SGCZ: variants seen among roughly 807,000 people sequenced by gnomAD.
SGCZ encodes the protein sarcoglycan zeta.
In SGCZ, 40 loss-of-function variants were observed where a neutral mutation model predicts 41.3. That is an observed-to-expected ratio of 0.97 (90% CI 0.75 to 1.26). The LOEUF (loss-of-function observed/expected upper bound fraction) is 1.26, where lower values mean the gene tolerates loss of function less well. SGCZ is among the 50% of genes most tolerant of loss of function. SGCZ has a pLI of 0.00. For missense variants in SGCZ, 552 were observed against 369.8 expected (o/e 1.49, Z -4.04); for synonymous variants, 206 against 137.5 (o/e 1.50, Z -3.49).
chr8:15,185,550 A>G (rs1191704156), intron 1 of SGCZ, among the ~76,000 whole-genome samples: 1 of 152,152 alleles, frequency 6.6e-6, no homozygotes, highest in African/African-American at 2.4e-5. Flanking sequence ...CGATATCTTT[A>G]TATCTGTCTA....
At chr8:14,406,294 C>T (rs993678528) in intron 2 of SGCZ, among the ~76,000 whole-genome samples, 2 of 152,074 alleles carry the variant, frequency 1.3e-5, no homozygotes, top group Non-Finnish European at 2.9e-5. Context: ...AATTGAATCC[C>T]CATCATGCCC....
At chr8:14,278,217 GT>G (rs1429051571) in intron 3 of SGCZ, among the ~76,000 whole-genome samples, 1 of 152,014 alleles carries the variant, frequency 6.6e-6, no homozygotes, top group Non-Finnish European at 1.5e-5. Context: ...CCCCTCCTCC[GT>G]AAGGTATTTA....
chr8:14,154,949 A>G (rs1803831679), intron 5 of SGCZ, among the ~76,000 whole-genome samples: 1 of 152,190 alleles, frequency 6.6e-6, no homozygotes, highest in African/African-American at 2.4e-5. Context: ...GCTGTCGCCC[A>G]GTGGAGCAGG....
chr8:14,457,128 T>A (rs1230095264), intron 2 of SGCZ, among the ~76,000 whole-genome samples: 1 of 152,222 alleles, frequency 6.6e-6, no homozygotes, highest in Non-Finnish European at 1.5e-5. Context: ...TGATTATATA[T>A]GAATATCATT....
chr8:15,151,940 A>T (rs1488652355), intron 1 of SGCZ, among the ~76,000 whole-genome samples: 3 of 152,238 alleles, frequency 2.0e-5, no homozygotes, highest in African/African-American at 7.2e-5. Flanking sequence ...TAAGGGGAAA[A>T]AAAGATTTGA....
chr8:14,568,433 A>AG (rs1199103895), intron 1 of SGCZ, among the ~76,000 whole-genome samples: 16 of 130,018 alleles, frequency 1.2e-4, no homozygotes, highest in Admixed American at 8.9e-4. Context: ...AAAAAAAAAA[A>AG]TACATTATCA....
chr8:15,006,281 C>T (rs1802604966), intron 1 of SGCZ, among the ~76,000 whole-genome samples: 1 of 152,180 alleles, frequency 6.6e-6, no homozygotes, highest in African/African-American at 2.4e-5. Flanking sequence ...TCTATAAAAG[C>T]TTCCAGTTAT....
chr8:14,129,126 C>CT (rs1802955233), intron 5 of SGCZ, among the ~76,000 whole-genome samples: 2 of 151,906 alleles, frequency 1.3e-5, no homozygotes, highest in African/African-American at 2.4e-5. Context: ...GTGGGTGGAT[C>CT]ACCTGAGGTC....
intron 1 of SGCZ, among the ~76,000 whole-genome samples, chr8:15,057,130 G>C (rs1443382870): frequency 2.0e-5 from 3 of 152,202 alleles, no homozygotes; most frequent in African/African-American, 4.8e-5. Context: ...ATCAGCACTA[G>C]GCTGGAGCAC....
rs185014489 is a variant in SGCZ at position 14,517,048 on chromosome 8, C to T, written c.234+37684G>A. Among the ~76,000 whole-genome samples, 339 of 151,848 alleles carry T rather than the reference C, an allele frequency of 2.2e-3. 2 individuals are homozygous for T. Among genetic ancestry groups the T allele is most frequent in the Non-Finnish European group, 4.1e-3 (275 of 67,822 alleles). On this transcript the variant is annotated intron_variant, in intron 2 of 7. Transcript: ENST00000382080. Reference sequence around the variant, plus strand: ...GTGCACAGTGATTCTCCCCCTATGACTCGTAAATTTTCAATAAGTCTTCGT... The same window carrying T: ...GTGCACAGTGATTCTCCCCCTATGATTCGTAAATTTTCAATAAGTCTTCGT...
chr8:14,932,264 A>G (rs1799942218), intron 1 of SGCZ, among the ~76,000 whole-genome samples: 1 of 152,012 alleles, frequency 6.6e-6, no homozygotes, highest in Non-Finnish European at 1.5e-5. Flanking sequence ...TCAAAATATT[A>G]TAACATAAAA....
intron 2 of SGCZ, among the ~76,000 whole-genome samples, chr8:14,327,675 C>T (rs745492763): frequency 6.6e-6 from 1 of 152,166 alleles, no homozygotes; most frequent in Non-Finnish European, 1.5e-5. Flanking sequence ...TCTTGAGCTT[C>T]GTGTGTTTTC....
chr8:14,509,295 A>G (rs1027625872), intron 2 of SGCZ, among the ~76,000 whole-genome samples: 1 of 152,188 alleles, frequency 6.6e-6, no homozygotes, highest in African/African-American at 2.4e-5. Context: ...AAACTTTGCT[A>G]TTTGTTCAGC....
chr8:14,386,630 T>C (rs889329372), intron 2 of SGCZ, among the ~76,000 whole-genome samples: 1 of 152,218 alleles, frequency 6.6e-6, no homozygotes, highest in Non-Finnish European at 1.5e-5. Context: ...AAATAAATTA[T>C]TTCTCTAAAT....
chr8:15,096,890 T>A (rs1374726617), intron 1 of SGCZ, among the ~76,000 whole-genome samples: 1 of 152,066 alleles, frequency 6.6e-6, no homozygotes, highest in Non-Finnish European at 1.5e-5. Context: ...TTTCACCGTG[T>A]TAGCCAGGAT....
intron 2 of SGCZ, among the ~76,000 whole-genome samples, chr8:14,486,250 G>T (rs948480114): frequency 3.3e-5 from 5 of 152,078 alleles, no homozygotes; most frequent in African/African-American, 1.2e-4. Context: ...CTGGAAAATT[G>T]CATTGTTGTA....
At position 14,459,825 on chromosome 8, in the gene SGCZ, T is replaced by C. The variant is rs375949708; in HGVS notation, c.234+94907A>G. Among the ~76,000 whole-genome samples the C allele has an allele frequency of 7.0e-4, 107 of 152,146 alleles. 1 individual carries two copies. Among genetic ancestry groups the C allele is most frequent in the African/African-American group, 2.1e-3 (87 of 41,526 alleles). ...AAAAGCAAGGAACATAAACGCAATA[T>C]AATCAAAAGAAAACATCAGAGAACC... On this transcript the variant is annotated intron_variant, in intron 2 of 7. Coordinates refer to ENST00000382080, the MANE Select transcript of SGCZ (RefSeq NM_139167.4).
chr8:14,812,244 TA>T, intron 1 of SGCZ, among the ~76,000 whole-genome samples: 1 of 151,352 alleles, frequency 6.6e-6, no homozygotes, highest in East Asian at 1.9e-4. Flanking sequence ...TAAATCAATT[TA>T]TTTTTTCCAA....
chr8:14,773,063 A>G (rs911067087), intron 1 of SGCZ, among the ~76,000 whole-genome samples: 3 of 152,066 alleles, frequency 2.0e-5, no homozygotes, highest in Admixed American at 6.6e-5. Context: ...AAGTGTTCCT[A>G]TTTCTCCACA....
Sources: gnomAD v4.1 joint callset for allele counts (sites outside exome capture counted in the v4.1 genomes callset) on GRCh38, gnomAD v4.1.1 for gene constraint, MANE v1.5 for transcripts, NCBI Gene and HGNC (gene_info 2026-07-23, HGNC 2026-07-21) for gene names.